The following CHCHD3 variants were observed in gnomAD, a reference collection of about 807,000 sequenced individuals.
CHCHD3 encodes coiled-coil-helix-coiled-coil-helix domain containing 3, also known as MICOS complex subunit MIC19.
In CHCHD3, 20 loss-of-function variants were observed where a neutral mutation model predicts 38.2. That is an observed-to-expected ratio of 0.52 (90% CI 0.37 to 0.76). CHCHD3 has a LOEUF of 0.76. Among genes scored for constraint, CHCHD3 ranks in the 30% least tolerant of loss-of-function variants. The pLI is 0.00. For synonymous variants in CHCHD3, 82 were observed against 100.0 expected (o/e 0.82, Z 1.07); for missense variants, 245 against 279.2 (o/e 0.88, Z 0.87).
intron 3 of CHCHD3, among the ~76,000 whole-genome samples, chr7:132,986,928 G>A (rs148400771): frequency 8.6e-5 from 13 of 151,994 alleles, no homozygotes; most frequent in African/African-American, 2.7e-4. Flanking sequence ...AGATAAACAC[G>A]AGCTGCCAGT....
Position 133,068,728 on chromosome 7 carries a change from G to C in CHCHD3, c.169+1414C>G, listed in dbSNP as rs762648526. Among the ~76,000 whole-genome samples, 3 of 152,144 alleles carry C rather than the reference G, an allele frequency of 2.0e-5. No individual in the cohort carries two copies. In the East Asian group the frequency reaches 5.8e-4, roughly 29 times the overall value. ...TTAGACATGTTTTAGAGATGGAGTT[G>C]ACAAGACTAGCTAACAGTCTGATGT... On this transcript the variant is annotated intron_variant, in intron 2 of 7. Transcript: ENST00000262570.
In CHCHD3 at chr7:132,827,840, C is replaced by CG. The variant is rs1807545304; in HGVS notation, c.524+10558_524+10559insC. Among the ~76,000 whole-genome samples the CG allele has an allele frequency of 2.6e-5, 4 of 152,302 alleles. No individual in the cohort carries two copies. In the South Asian group the frequency reaches 8.3e-4, roughly 32 times the overall value. On this transcript the variant is annotated intron_variant, in intron 6 of 7. Coordinates refer to ENST00000262570, the MANE Select transcript of CHCHD3 (RefSeq NM_017812.4). ...TGTTTGAGATCCATCCGTGCTGTTA[C>CG]ATGTATCGATAGTTTGCTCTTCTCT...
chr7:132,960,242 C>CA (rs574950512), intron 4 of CHCHD3, among the ~76,000 whole-genome samples: 322 of 141,718 alleles, frequency 2.3e-3, no homozygotes, highest in Middle Eastern at 0.014. Context: ...CTAAGGCTCA[C>CA]AAAAAAAAAA....
chr7:132,906,122 T>C (rs918835295), intron 4 of CHCHD3, among the ~76,000 whole-genome samples: 2 of 152,226 alleles, frequency 1.3e-5, no homozygotes, highest in Non-Finnish European at 2.9e-5. Flanking sequence ...CAATGTATGA[T>C]ATATACTTCA....
At chr7:132,862,745 C>T (rs1208156663) in intron 5 of CHCHD3, among the ~76,000 whole-genome samples, 2 of 152,190 alleles carry the variant, frequency 1.3e-5, no homozygotes, top group East Asian at 3.8e-4. Flanking sequence ...CAATTAAGTT[C>T]ATGTATTATA....
rs187506814 is a variant in CHCHD3, at chr7:132,974,396, T to C, written c.369+773A>G. ...TTAAAAAAATTATCTTAGAAAAGAC[T>C]GTTCCCCAAGGCCCTGGCTCTACAT... On this transcript the variant is annotated intron_variant, in intron 4 of 7. Transcript: ENST00000262570. Among the ~76,000 whole-genome samples, 4 of 152,300 alleles carry C rather than the reference T, an allele frequency of 2.6e-5. No homozygotes were observed. In the East Asian group the frequency reaches 7.7e-4, roughly 29 times the overall value.
chr7:132,941,051 T>A (rs1448883187), intron 4 of CHCHD3, among the ~76,000 whole-genome samples: 1 of 152,196 alleles, frequency 6.6e-6, no homozygotes, highest in Non-Finnish European at 1.5e-5. Flanking sequence ...TATATGTGCC[T>A]GATTTTATTC....
chr7:132,992,853 T>C (rs1299109838), intron 3 of CHCHD3, among the ~76,000 whole-genome samples: 8 of 152,312 alleles, frequency 5.3e-5, no homozygotes, highest in South Asian at 4.1e-4. Context: ...ATTCTCTCTA[T>C]AAAAATAACT....
chr7:133,021,773 T>C (rs1813184424), intron 3 of CHCHD3, among the ~76,000 whole-genome samples: 1 of 152,092 alleles, frequency 6.6e-6, no homozygotes, highest in Non-Finnish European at 1.5e-5. Context: ...CTATACTATA[T>C]TTTTCATGGA....
chr7:132,949,284 T>G lies in CHCHD3; in HGVS notation c.369+25885A>C, dbSNP rs572811294. 2.0e-5 allele frequency among the ~76,000 whole-genome samples: 3 copies of G among 152,194 alleles called. No homozygotes were observed. The South Asian group carries it at 6.2e-4, about 32-fold the overall frequency. ...CAACTGAGTACTGACCAACAGAATGTGAAGGAAAGTGACAAGCACGCCTCC... is the reference window on the plus strand; with the variant it reads ...CAACTGAGTACTGACCAACAGAATGGGAAGGAAAGTGACAAGCACGCCTCC... On this transcript the variant is annotated intron_variant, in intron 4 of 7. Transcript: ENST00000262570.
At chr7:133,031,071 A>G (rs552531746) in intron 2 of CHCHD3, among the ~76,000 whole-genome samples, 44 of 152,300 alleles carry the variant, frequency 2.9e-4, no homozygotes, top group African/African-American at 7.0e-4. Context: ...TTTCTGGGCT[A>G]TAAATTTGAG....
rs149228957 is a variant in CHCHD3, at chr7:133,073,042, T to G, written c.82-2813A>C. 7.9e-4 allele frequency among the ~76,000 whole-genome samples: 120 copies of G among 152,264 alleles called. 2 individuals carry two copies. In the East Asian group the frequency reaches 0.017, roughly 21 times the overall value. The stretch of plus-strand genomic sequence containing the variant: ...TTTACCCTCAGTGCAACAGTGAACA[T>G]TCTCTGGTAGAAGTCACCAATGACC... On this transcript the variant is annotated intron_variant, in intron 1 of 7. Transcript: ENST00000262570.
intron 4 of CHCHD3, among the ~76,000 whole-genome samples, chr7:132,888,303 T>C (rs1232683816): frequency 2.6e-5 from 4 of 151,848 alleles, no homozygotes; most frequent in Non-Finnish European, 5.9e-5. Context: ...AAACATACTT[T>C]ATAGTCAAGG....
In CHCHD3 at chr7:132,785,346, T is replaced by A. The variant is rs576913771; in HGVS notation, c.*291A>T. The A allele has an allele frequency of 2.4e-6, 1 of 413,790 alleles. No homozygotes were observed. 25.6% of individuals were successfully genotyped at this position (413,790 alleles called of 1,614,324 possible). A position where few individuals can be genotyped will look rare whatever the true frequency, so the allele number is the denominator to read the frequency against. ...CATTTTATGGTCAGTGCAAGTTGAA[T>A]AGAAAGTACCAAAAGGTGGAGAGGG... On this transcript the variant is annotated 3_prime_UTR_variant, in exon 8 of 8. Transcript: ENST00000262570.
intron 4 of CHCHD3, among the ~76,000 whole-genome samples, chr7:132,921,129 GA>G (rs1311430924): frequency 6.6e-6 from 1 of 152,088 alleles, no homozygotes; most frequent in Non-Finnish European, 1.5e-5. Context: ...ACAAGAGAAG[GA>G]AAACACTGAT....
chr7:133,059,597 C>G (rs1304485516), intron 2 of CHCHD3, among the ~76,000 whole-genome samples: 1 of 152,128 alleles, frequency 6.6e-6, no homozygotes, highest in African/African-American at 2.4e-5. Context: ...ATCCAGAGCC[C>G]CGCTCCCTAG....
intron 6 of CHCHD3, among the ~76,000 whole-genome samples, chr7:132,803,980 A>G (rs1375787808): frequency 6.6e-6 from 1 of 151,860 alleles, no homozygotes; most frequent in African/African-American, 2.4e-5. Context: ...CTTTAATTTC[A>G]GGTTCTTGAA....
At chr7:132,802,287 T>A (rs1365261516) in intron 6 of CHCHD3, among the ~76,000 whole-genome samples, 1 of 152,042 alleles carries the variant, frequency 6.6e-6, no homozygotes, top group Non-Finnish European at 1.5e-5. Context: ...TCTGTGGTGC[T>A]CAGGGGAGAG....
chr7:132,951,803 G>C (rs1330074170), intron 4 of CHCHD3, among the ~76,000 whole-genome samples: 1 of 152,132 alleles, frequency 6.6e-6, no homozygotes, highest in Non-Finnish European at 1.5e-5. Flanking sequence ...TGATGAAAAT[G>C]CCATCTTGAT....
Sources: allele counts gnomAD v4.1 joint callset (sites outside exome capture counted in the v4.1 genomes callset), GRCh38; gene constraint gnomAD v4.1.1; transcripts MANE v1.5; gene names NCBI Gene and HGNC (gene_info 2026-07-23, HGNC 2026-07-21).